QKI: variants seen among roughly 807,000 people sequenced by gnomAD.
The protein encoded by QKI is KH domain-containing RNA-binding protein QKI.
QKI carries 10 observed loss-of-function variants against 39.0 expected under a neutral mutation model. The observed-to-expected ratio is 0.26, with a 90% CI of 0.16 to 0.43. The LOEUF is 0.43. Ranked by LOEUF, QKI falls within the 20% of genes least tolerant of loss-of-function variation. The pLI, the probability that QKI is intolerant of heterozygous loss-of-function variation, is 1.00. For synonymous variants in QKI, 204 were observed against 155.4 expected, an observed-to-expected ratio of 1.31 and a Z score of -2.33; for missense variants, 218 against 428.0, an observed-to-expected ratio of 0.51 and a Z score of 4.33.
chr6:163,552,678 T>C (rs1008630607), intron 4 of QKI, among the ~76,000 whole-genome samples: 2 of 152,178 alleles, frequency 1.3e-5, no homozygotes, highest in Non-Finnish European at 2.9e-5. Context: ...CGTACTCATA[T>C]ATGTTTTCTA....
intron 3 of QKI, among the ~76,000 whole-genome samples, chr6:163,525,569 G>C (rs756412053): frequency 2.0e-5 from 3 of 152,236 alleles, no homozygotes; most frequent in Middle Eastern, 6.8e-3. Context: ...GTGTCGGCCA[G>C]GCTGGTCTCA....
At chr6:163,552,206 CTTTTTT>C (rs35060699) in intron 4 of QKI, among the ~76,000 whole-genome samples, 10 of 101,784 alleles carry the variant, frequency 9.8e-5, no homozygotes, top group South Asian at 7.1e-4. Context: ...TTCGTTCGTT[CTTTTTT>C]TTTTTTTTTT....
intron 4 of QKI, among the ~76,000 whole-genome samples, chr6:163,549,857 A>C (rs376208377): frequency 2.0e-5 from 3 of 152,244 alleles, no homozygotes; most frequent in Admixed American, 2.0e-4. Flanking sequence ...TTCTTTTACA[A>C]TCTAACACAC....
intron 2 of QKI, 110 bp downstream of exon 2, chr6:163,455,531 A>C: frequency 9.2e-7 from 1 of 1,084,244 alleles, no homozygotes; most frequent in Non-Finnish European, 1.3e-6. Context: ...AAAAAAATGC[A>C]GTCATCAACT....
intron 4 of QKI, among the ~76,000 whole-genome samples, chr6:163,559,437 TAAGTTG>T (rs1310062941): frequency 2.3e-5 from 1 of 43,214 alleles, no homozygotes; most frequent in East Asian, 0.025. Flanking sequence ...TTTTAGCAAA[TAAGTTG>T]AAGTTTTATT....
chr6:163,449,163 A>T (rs2128217770), intron 1 of QKI, among the ~76,000 whole-genome samples: 1 of 152,284 alleles, frequency 6.6e-6, no homozygotes, highest in South Asian at 2.1e-4. Context: ...GGGATTGCAG[A>T]CAGTGTGGAA....
intron 4 of QKI, among the ~76,000 whole-genome samples, chr6:163,541,770 T>G (rs943049456): frequency 1.3e-5 from 2 of 152,008 alleles, no homozygotes; most frequent in Non-Finnish European, 2.9e-5. Flanking sequence ...CTTCTTTTAA[T>G]TTTGAGGTCT....
At chr6:163,474,623 A>C (rs1417689769) in intron 2 of QKI, among the ~76,000 whole-genome samples, 2 of 151,970 alleles carry the variant, frequency 1.3e-5, no homozygotes, top group South Asian at 2.1e-4. Context: ...GCACAATCAA[A>C]AAAGCTCTAC....
chr6:163,429,735 A>G (rs1788684169), intron 1 of QKI, among the ~76,000 whole-genome samples: 1 of 152,208 alleles, frequency 6.6e-6, no homozygotes, highest in South Asian at 2.1e-4. Context: ...GAATAATGTC[A>G]GAGTTGCATA....
At chr6:163,564,181 G>A (rs1189055321) in intron 6 of QKI, 3 of 1,019,802 alleles carry the variant, frequency 2.9e-6, no homozygotes, top group Non-Finnish European at 3.5e-6. Context: ...TGTGTGTTTT[G>A]TAATATTTGC....
At chr6:163,511,681 G>T (rs925463631) in intron 3 of QKI, among the ~76,000 whole-genome samples, 1 of 151,760 alleles carries the variant, frequency 6.6e-6, no homozygotes, top group Non-Finnish European at 1.5e-5. Context: ...ATTGATTAGA[G>T]AAGCTGAATT....
intron 1 of QKI, among the ~76,000 whole-genome samples, chr6:163,436,593 C>T (rs113852065): frequency 6.6e-6 from 1 of 151,932 alleles, no homozygotes; most frequent in East Asian, 1.9e-4. Flanking sequence ...GTGGGCTGAT[C>T]ACTTGAGGCC....
intron 2 of QKI, among the ~76,000 whole-genome samples, chr6:163,477,918 A>T (rs1383622300): frequency 6.6e-6 from 1 of 152,228 alleles, no homozygotes; most frequent in African/African-American, 2.4e-5. Flanking sequence ...GACCATATGC[A>T]TAAGAATCAG....
intron 3 of QKI, among the ~76,000 whole-genome samples, chr6:163,515,248 T>G (rs987709807): frequency 2.6e-5 from 4 of 152,132 alleles, no homozygotes; most frequent in African/African-American, 9.7e-5. Context: ...TGGAGAAATA[T>G]GAACTCCCAC....
intron 3 of QKI, among the ~76,000 whole-genome samples, chr6:163,517,585 G>C (rs559657512): frequency 1.6e-4 from 24 of 152,178 alleles, no homozygotes; most frequent in African/African-American, 5.8e-4. Context: ...GTCTGGCTTA[G>C]ATTAGTTTTT....
At chr6:163,483,873 A>C (rs751392957) in intron 3 of QKI, among the ~76,000 whole-genome samples, 4 of 152,240 alleles carry the variant, frequency 2.6e-5, no homozygotes, top group Non-Finnish European at 5.9e-5. Context: ...GATTTATCAG[A>C]GGAATCACTG....
chr6:163,521,918 C>T (rs769753481), intron 3 of QKI, among the ~76,000 whole-genome samples: 2 of 152,096 alleles, frequency 1.3e-5, no homozygotes, highest in Non-Finnish European at 2.9e-5. Context: ...GCGGGATGTG[C>T]TTATGCTTGA....
intron 3 of QKI, among the ~76,000 whole-genome samples, chr6:163,486,926 A>G (rs1183751578): frequency 6.6e-6 from 1 of 152,216 alleles, no homozygotes; most frequent in Non-Finnish European, 1.5e-5. Context: ...TCAAGGCAGC[A>G]TTCATAGTGA....
intron 1 of QKI, among the ~76,000 whole-genome samples, chr6:163,422,611 A>G (rs1788078391): frequency 6.6e-6 from 1 of 152,200 alleles, no homozygotes; most frequent in Admixed American, 6.5e-5. Context: ...ATCAAAATGC[A>G]GTTACATCCA....
Sources: gnomAD v4.1 joint callset for allele counts (sites outside exome capture counted in the v4.1 genomes callset) on GRCh38, gnomAD v4.1.1 for gene constraint, MANE v1.5 for transcripts, NCBI Gene and HGNC (gene_info 2026-07-23, HGNC 2026-07-21) for gene names.